DOP1B: variants seen among roughly 807,000 people sequenced by gnomAD.
DOP1B encodes DOP1 leucine zipper like protein B, also known as protein DOP1B.
DOP1B carries 174 observed loss-of-function variants against 233.5 expected under a neutral mutation model. That is an observed-to-expected ratio of 0.75 (90% confidence interval 0.66 to 0.85). The LOEUF (loss-of-function observed/expected upper bound fraction) is 0.85. Ranked by LOEUF, DOP1B falls within the 40% of genes least tolerant of loss-of-function variation. The pLI is 0.00. For synonymous variants in DOP1B, 1,190 were observed against 1,185.6 expected (o/e 1.00, Z -0.08); for missense variants, 2,652 against 2,846.6 (o/e 0.93, Z 1.56).
chr21:36,265,379 AG>A (rs1224737945), intron 26 of DOP1B, among the ~76,000 whole-genome samples: 1 of 152,142 alleles, frequency 6.6e-6, no homozygotes, highest in Non-Finnish European at 1.5e-5. Flanking sequence ...CTGGGCAACA[AG>A]CGTGAAACTT....
At chr21:36,291,697 C>T (rs9977444) in intron 35 of DOP1B, among the ~76,000 whole-genome samples, 59,892 of 152,032 alleles carry the variant, frequency 0.39, 11,848 homozygotes, top group Middle Eastern at 0.51. Flanking sequence ...CAGTGGAATA[C>T]GGTTCAGCAA....
intron 2 of DOP1B, among the ~76,000 whole-genome samples, chr21:36,187,413 G>A (rs1488896863): frequency 6.6e-6 from 1 of 151,176 alleles, no homozygotes; most frequent in African/African-American, 2.4e-5. Context: ...TCCTGCCTGA[G>A]CCTCCTGAGT....
intron 19 of DOP1B, among the ~76,000 whole-genome samples, chr21:36,247,269 A>T (rs1340631345): frequency 6.6e-6 from 1 of 152,220 alleles, no homozygotes; most frequent in Non-Finnish European, 1.5e-5. Flanking sequence ...TGCAAAACAG[A>T]AATAAAAATG....
In DOP1B at chr21:36,257,734, A is replaced by T. The variant is rs1034333264; in HGVS notation, c.5260-2943A>T. ...TGTAGGTAGGTAGGTAGGTAGATAGATGTAGGTAGGTAGGTAGATGTAGGT... is the reference window on the plus strand; with the variant it reads ...TGTAGGTAGGTAGGTAGGTAGATAGTTGTAGGTAGGTAGGTAGATGTAGGT... On this transcript the variant is annotated intron_variant, in intron 23 of 36. Transcript: ENST00000691173. 3.3e-5 allele frequency among the ~76,000 whole-genome samples: 5 copies of T among 151,648 alleles called. No individual in the cohort carries two copies. In the East Asian group the frequency reaches 9.7e-4, roughly 29 times the overall value.
chr21:36,203,638 G>T (rs185902314), intron 4 of DOP1B, among the ~76,000 whole-genome samples: 14 of 142,016 alleles, frequency 9.9e-5, no homozygotes, highest in Non-Finnish European at 2.0e-4. Flanking sequence ...GAAAGGGAGG[G>T]TGCAGTGGGG....
rs145135498 is a variant in DOP1B, at chr21:36,233,809, C to T, written c.2622+734C>T. On this transcript the variant is annotated intron_variant, in intron 15 of 36. Transcript: ENST00000691173. ...TTGGTTCCATGTGGGACACCATCTA[C>T]GGTGTCAGGTCCTGGGGGAGCTTTT... 2.4e-3 allele frequency among the ~76,000 whole-genome samples: 358 copies of T among 152,202 alleles called. 1 individual carries two copies. Among genetic ancestry groups the T allele is most frequent in the African/African-American group, 8.1e-3 (336 of 41,548 alleles).
intron 1 of DOP1B, among the ~76,000 whole-genome samples, chr21:36,163,505 A>C (rs943522613): frequency 2.0e-5 from 3 of 152,204 alleles, no homozygotes; most frequent in African/African-American, 7.2e-5. Flanking sequence ...TTGTACCTTC[A>C]GTTCAGTTTC....
chr21:36,192,656 T>C (rs1441192769), intron 2 of DOP1B, among the ~76,000 whole-genome samples: 1 of 151,864 alleles, frequency 6.6e-6, no homozygotes, highest in African/African-American at 2.4e-5. Context: ...AGTGCTGGGA[T>C]TACAGGTGTG....
chr21:36,240,804 T>G (rs1297400214), intron 18 of DOP1B, among the ~76,000 whole-genome samples: 1 of 152,248 alleles, frequency 6.6e-6, no homozygotes, highest in Non-Finnish European at 1.5e-5. Flanking sequence ...ATTTAATGAC[T>G]TCACAATTTT....
At chr21:36,220,795 A>G (rs542755253) in intron 10 of DOP1B, among the ~76,000 whole-genome samples, 1 of 150,166 alleles carries the variant, frequency 6.7e-6, no homozygotes, top group African/African-American at 2.5e-5. Flanking sequence ...GTGAGCCGCC[A>G]TGCCTGGTAC....
chr21:36,266,899 C>T (rs1022370886), intron 26 of DOP1B, among the ~76,000 whole-genome samples: 5 of 152,214 alleles, frequency 3.3e-5, no homozygotes, highest in South Asian at 2.1e-4. Context: ...TCAGTCCTTA[C>T]GGGAACTCCT....
chr21:36,160,936 C>T (rs752368763), intron 1 of DOP1B, among the ~76,000 whole-genome samples: 10 of 152,204 alleles, frequency 6.6e-5, no homozygotes, highest in Non-Finnish European at 1.3e-4. Context: ...GCAGCCCACA[C>T]TGCGGTGTGG....
intron 27 of DOP1B, among the ~76,000 whole-genome samples, chr21:36,274,213 T>C (rs1001030811): frequency 6.6e-6 from 1 of 152,114 alleles, no homozygotes; most frequent in African/African-American, 2.4e-5. Context: ...ACAGTGTGTA[T>C]TGGATGAGCA....
intron 24 of DOP1B, chr21:36,261,600 G>C: frequency 5.1e-6 from 5 of 985,276 alleles, no homozygotes; most frequent in Non-Finnish European, 6.0e-6. Flanking sequence ...GTGCAGCTCT[G>C]TGTTGCAGAA....
chr21:36,158,788 C>T (rs2065843306), intron 1 of DOP1B, among the ~76,000 whole-genome samples: 1 of 119,638 alleles, frequency 8.4e-6, no homozygotes, highest in African/African-American at 3.2e-5. Context: ...GGCGACAGAG[C>T]GAGACTCTTG....
chr21:36,158,676 G>A (rs542969056), intron 1 of DOP1B, among the ~76,000 whole-genome samples: 31 of 151,920 alleles, frequency 2.0e-4, no homozygotes, highest in East Asian at 1.9e-4. Flanking sequence ...GGTGGCATGC[G>A]CCTGTAGTCC....
chr21:36,269,812 A>G (rs1238164705), intron 26 of DOP1B, among the ~76,000 whole-genome samples: 1 of 152,184 alleles, frequency 6.6e-6, no homozygotes, highest in African/African-American at 2.4e-5. Context: ...TACAGGCATG[A>G]GCCACTGCAC....
Position 36,278,647 on chromosome 21 carries a change from C to T in DOP1B, c.5969+292C>T, listed in dbSNP as rs146321149. Reference sequence around the variant, plus strand: ...TTTTGGGAGGCTAAGGTGGGTGGATCACCTGAGCCCAGGAGTTCGAGACCA... The same window carrying T: ...TTTTGGGAGGCTAAGGTGGGTGGATTACCTGAGCCCAGGAGTTCGAGACCA... On this transcript the variant is annotated intron_variant, in intron 30 of 36. Coordinates refer to ENST00000691173, the MANE Select transcript of DOP1B (RefSeq NM_001320714.2). Among the ~76,000 whole-genome samples, 32 of 152,224 alleles carry T rather than the reference C, an allele frequency of 2.1e-4. No homozygotes were observed. The East Asian group carries it at 6.0e-3, about 29-fold the overall frequency.
At chr21:36,274,957 GCC>G (rs375218246) in intron 27 of DOP1B, among the ~76,000 whole-genome samples, 62,505 of 151,516 alleles carry the variant, frequency 0.41, 12,941 homozygotes, top group Middle Eastern at 0.51. Flanking sequence ...CAATTCTTCT[GCC>G]TCAGCCTCCC....
Sources: gnomAD v4.1 joint callset for allele counts (sites outside exome capture counted in the v4.1 genomes callset) on GRCh38, gnomAD v4.1.1 for gene constraint, MANE v1.5 for transcripts, NCBI Gene and HGNC (gene_info 2026-07-23, HGNC 2026-07-21) for gene names.